NRXN1: variants seen among roughly 807,000 people sequenced by gnomAD.
The protein encoded by NRXN1 is neurexin-1.
A neutral mutation model predicts 150.9 loss-of-function variants in NRXN1; 39 were observed. The observed-to-expected ratio is 0.26, with a 90% CI of 0.20 to 0.34. NRXN1 has a LOEUF of 0.34. Ranked by LOEUF, NRXN1 falls within the 10% of genes least tolerant of loss-of-function variation. NRXN1 has a pLI of 1.00. For missense variants in NRXN1, 1,815 were observed against 1,949.9 expected (o/e 0.93, Z 1.30); for synonymous variants, 924 against 757.0 (o/e 1.22, Z -3.62).
intron 2 of NRXN1, among the ~76,000 whole-genome samples, chr2:51,001,062 G>C (rs1699982625): frequency 6.6e-6 from 1 of 151,944 alleles, no homozygotes; most frequent in Non-Finnish European, 1.5e-5. Context: ...AGGCTAAAGA[G>C]AATTAGAATG....
At chr2:50,024,863 A>C (rs1348209774) in intron 21 of NRXN1, among the ~76,000 whole-genome samples, 1 of 152,004 alleles carries the variant, frequency 6.6e-6, no homozygotes, top group Non-Finnish European at 1.5e-5. Flanking sequence ...TGATCTGCCC[A>C]CCTCAGCCTC....
chr2:50,405,826 G>A (rs2082715912), intron 17 of NRXN1, among the ~76,000 whole-genome samples: 1 of 151,918 alleles, frequency 6.6e-6, no homozygotes, highest in Admixed American at 6.6e-5. Context: ...AATAATTACA[G>A]GAAAAATAAT....
At chr2:50,113,117 AG>A (rs1359054127) in intron 18 of NRXN1, among the ~76,000 whole-genome samples, 2 of 152,114 alleles carry the variant, frequency 1.3e-5, no homozygotes, top group African/African-American at 4.8e-5. Flanking sequence ...ACGATCTTGA[AG>A]GTATGGCATT....
chr2:50,136,458 C>A (rs961641813), intron 18 of NRXN1, among the ~76,000 whole-genome samples: 1 of 152,116 alleles, frequency 6.6e-6, no homozygotes, highest in Non-Finnish European at 1.5e-5. Flanking sequence ...TTTTGTACTT[C>A]ATTTAATATT....
intron 8 of NRXN1, among the ~76,000 whole-genome samples, chr2:50,611,878 G>C (rs1407267361): frequency 2.0e-5 from 3 of 151,994 alleles, no homozygotes; most frequent in East Asian, 1.9e-4. Flanking sequence ...TAACTAACTG[G>C]GCATCTGAGA....
intron 17 of NRXN1, among the ~76,000 whole-genome samples, chr2:50,408,830 A>T (rs1042183072): frequency 9.4e-6 from 1 of 106,222 alleles, no homozygotes; most frequent in Admixed American, 1.0e-4. Flanking sequence ...TGGGTGAATC[A>T]ATCTCAATCT....
intron 18 of NRXN1, among the ~76,000 whole-genome samples, chr2:50,104,924 T>A (rs1701432838): frequency 6.6e-6 from 1 of 152,060 alleles, no homozygotes; most frequent in Non-Finnish European, 1.5e-5. Flanking sequence ...AGACCTCCAC[T>A]CCTTTAATTC....
chr2:50,553,045 G>C lies in NRXN1; in HGVS notation c.1321-20C>G, dbSNP rs1412491098. ...TACAACCTGTGGGCAGAGGATAGCA[G>C]TGAGAAACTAGCCTCCATATTTTAA... On this transcript the variant is annotated intron_variant, in intron 8 of 22. Transcript: ENST00000401669. The C allele has an allele frequency of 1.3e-6, 2 of 1,525,926 alleles. No individual in the cohort carries two copies. The highest frequency in any genetic ancestry group is 1.2e-5 in the South Asian group (1 of 83,544). The allele number at this position is 1,525,926 out of a possible 1,614,324, so 94.5% of individuals were successfully genotyped here.
intron 5 of NRXN1, among the ~76,000 whole-genome samples, chr2:50,781,578 A>T (rs1704356659): frequency 6.6e-6 from 1 of 152,202 alleles, no homozygotes; most frequent in Admixed American, 6.5e-5. Context: ...TCACGACAAC[A>T]GTAACACACC....
chr2:50,549,647 C>G (rs1296173626), intron 9 of NRXN1, among the ~76,000 whole-genome samples: 5 of 152,106 alleles, frequency 3.3e-5, no homozygotes, highest in African/African-American at 1.2e-4. Flanking sequence ...AAGTAGATAT[C>G]ATCTAATTTT....
chr2:50,600,757 T>C (rs144777095), intron 8 of NRXN1, among the ~76,000 whole-genome samples: 84 of 152,332 alleles, frequency 5.5e-4, no homozygotes, highest in African/African-American at 1.8e-3. Flanking sequence ...CCAAAACCAG[T>C]TGAAGAACTT....
At chr2:50,118,992 G>C (rs531665766) in intron 18 of NRXN1, among the ~76,000 whole-genome samples, 99 of 146,632 alleles carry the variant, frequency 6.8e-4, no homozygotes, top group African/African-American at 2.3e-3. Flanking sequence ...TTTTTTTTTC[G>C]GTTGGTATTA....
At chr2:50,706,757 C>A (rs1574179943) in intron 5 of NRXN1, among the ~76,000 whole-genome samples, 1 of 150,302 alleles carries the variant, frequency 6.7e-6, no homozygotes, top group Middle Eastern at 3.5e-3. Context: ...TTTTTAATTT[C>A]AATATGATAG....
At chr2:50,683,646 A>AAAAAAAAAAAAATATATATATATATAT in intron 5 of NRXN1, among the ~76,000 whole-genome samples, 4 of 14,896 alleles carry the variant, frequency 2.7e-4, no homozygotes, top group Non-Finnish European at 4.4e-4. Context: ...AAAAAAAAAA[A>AAAAAAAAAAAAATATATATATATATAT]ATATATATAT....
intron 21 of NRXN1, among the ~76,000 whole-genome samples, chr2:50,042,365 A>C (rs766035909): frequency 1.3e-5 from 2 of 152,128 alleles, no homozygotes; most frequent in Non-Finnish European, 2.9e-5. Flanking sequence ...CTCATGAGAT[A>C]AGGGGCTTCC....
intron 5 of NRXN1, among the ~76,000 whole-genome samples, chr2:50,707,684 C>A (rs1694628332): frequency 6.6e-6 from 1 of 152,124 alleles, no homozygotes; most frequent in South Asian, 2.1e-4. Context: ...CTGACAGCAT[C>A]ATTCATTTAG....
intron 5 of NRXN1, among the ~76,000 whole-genome samples, chr2:50,770,512 C>T (rs1702887098): frequency 1.3e-5 from 2 of 151,918 alleles, no homozygotes; most frequent in African/African-American, 4.8e-5. Flanking sequence ...ACTTTGGACC[C>T]ATCTTAATAT....
chr2:49,997,174 A>T (rs890718489), intron 21 of NRXN1, among the ~76,000 whole-genome samples: 1 of 152,078 alleles, frequency 6.6e-6, no homozygotes, highest in African/African-American at 2.4e-5. Context: ...ACAGTTGGAG[A>T]TGGAAATTCA....
At chr2:51,002,743 C>G (rs1700232168) in intron 2 of NRXN1, among the ~76,000 whole-genome samples, 1 of 151,894 alleles carries the variant, frequency 6.6e-6, no homozygotes, top group African/African-American at 2.4e-5. Context: ...TTCTTTGCTA[C>G]TTAAAAATGG....
Sources: gnomAD v4.1 joint callset for allele counts (sites outside exome capture counted in the v4.1 genomes callset) on GRCh38, gnomAD v4.1.1 for gene constraint, MANE v1.5 for transcripts, NCBI Gene and HGNC (gene_info 2026-07-23, HGNC 2026-07-21) for gene names.